Variants in BMPR1A observed in about 807,000 individuals in gnomAD.
The protein encoded by BMPR1A is bone morphogenetic protein receptor type 1A, also known as bone morphogenetic protein receptor type-1A.
A neutral mutation model predicts 66.0 loss-of-function variants in BMPR1A; 7 were observed. That is an observed-to-expected ratio of 0.11 (90% CI 0.06 to 0.20). BMPR1A has a LOEUF of 0.20. Ranked by LOEUF, BMPR1A falls within the 10% of genes least tolerant of loss-of-function variation. BMPR1A has a pLI of 1.00. For missense variants in BMPR1A, 408 were observed against 669.1 expected, an observed-to-expected ratio of 0.61 and a Z score of 4.31; for synonymous variants, 200 against 229.7, an observed-to-expected ratio of 0.87 and a Z score of 1.17.
intron 1 of BMPR1A, among the ~76,000 whole-genome samples, chr10:86,784,286 G>C (rs944931009): frequency 2.0e-5 from 3 of 152,060 alleles, no homozygotes; most frequent in Non-Finnish European, 4.4e-5. Context: ...TTCCTTCCTA[G>C]TTTGTTGAGT....
intron 1 of BMPR1A, among the ~76,000 whole-genome samples, chr10:86,807,641 C>T (rs536850671): frequency 6.6e-6 from 1 of 152,286 alleles, no homozygotes; most frequent in South Asian, 2.1e-4. Context: ...CCTCAGTCTC[C>T]CAAAGAGCTG....
chr10:86,850,703 C>G (rs1036231827), intron 2 of BMPR1A, among the ~76,000 whole-genome samples: 2 of 152,116 alleles, frequency 1.3e-5, no homozygotes, highest in Non-Finnish European at 2.9e-5. Flanking sequence ...ATGATCATGA[C>G]TCACCACAGC....
chr10:86,847,694 G>A (rs555500315), intron 2 of BMPR1A, among the ~76,000 whole-genome samples: 57 of 151,958 alleles, frequency 3.8e-4, no homozygotes, highest in African/African-American at 1.3e-3. Context: ...GTGTATGTGT[G>A]TGTATAAAGA....
At chr10:86,784,133 C>T (rs1841478177) in intron 1 of BMPR1A, among the ~76,000 whole-genome samples, 1 of 151,880 alleles carries the variant, frequency 6.6e-6, no homozygotes, top group Non-Finnish European at 1.5e-5. Flanking sequence ...TCTGATTGTA[C>T]TGTGTTGAGT....
At chr10:86,905,126 C>T (rs1843367746) in intron 7 of BMPR1A, among the ~76,000 whole-genome samples, 2 of 152,106 alleles carry the variant, frequency 1.3e-5, no homozygotes, top group Non-Finnish European at 2.9e-5. Flanking sequence ...CTGATGTGAT[C>T]GTTTTCCTCC....
chr10:86,836,671 G>A (rs927195299), intron 1 of BMPR1A, among the ~76,000 whole-genome samples: 5 of 152,266 alleles, frequency 3.3e-5, no homozygotes, highest in East Asian at 3.9e-4. Flanking sequence ...GGTAGTGTTC[G>A]CCTGTAGTCC....
chr10:86,913,890 A>C (rs1288136573), intron 8 of BMPR1A, among the ~76,000 whole-genome samples: 3 of 152,220 alleles, frequency 2.0e-5, no homozygotes, highest in African/African-American at 7.2e-5. Flanking sequence ...GCAAACTTTT[A>C]TAGCAATTGA....
intron 1 of BMPR1A, among the ~76,000 whole-genome samples, chr10:86,765,667 A>G (rs1392909794): frequency 6.6e-6 from 1 of 152,078 alleles, no homozygotes; most frequent in Non-Finnish European, 1.5e-5. Flanking sequence ...GTGAAACTCT[A>G]GTATAGTTTC....
intron 1 of BMPR1A, among the ~76,000 whole-genome samples, chr10:86,775,198 C>T (rs1456233811): frequency 3.9e-5 from 6 of 152,198 alleles, no homozygotes; most frequent in Non-Finnish European, 7.3e-5. Flanking sequence ...TAAATGAGTT[C>T]AGTAAGTTGG....
chr10:86,876,696 C>T (rs1249400430), intron 3 of BMPR1A, among the ~76,000 whole-genome samples: 2 of 152,054 alleles, frequency 1.3e-5, no homozygotes, highest in South Asian at 2.1e-4. Context: ...ACTTGAACCC[C>T]GGGAGGTGGA....
chr10:86,797,470 A>AT (rs368477639), intron 1 of BMPR1A, among the ~76,000 whole-genome samples: 45 of 151,978 alleles, frequency 3.0e-4, no homozygotes, highest in African/African-American at 1.1e-3. Context: ...TGGCCTCGTG[A>AT]TTCGCCCACT....
At chr10:86,851,600 G>A (rs1842568851) in intron 2 of BMPR1A, among the ~76,000 whole-genome samples, 2 of 152,194 alleles carry the variant, frequency 1.3e-5, no homozygotes, top group South Asian at 2.1e-4. Context: ...TCCTCAAGCA[G>A]CCTAATGAGT....
intron 9 of BMPR1A, 147 bp downstream of exon 9, chr10:86,917,473 A>C: frequency 9.9e-7 from 1 of 1,007,120 alleles, no homozygotes; most frequent in Non-Finnish European, 1.5e-6. Flanking sequence ...GTTTGAATAA[A>C]ACATAGTCCG....
intron 1 of BMPR1A, among the ~76,000 whole-genome samples, chr10:86,815,881 TTG>T (rs1358956272): frequency 6.6e-6 from 1 of 151,980 alleles, no homozygotes; most frequent in South Asian, 2.1e-4. Flanking sequence ...TTGAGGGAGG[TTG>T]TGTTACTTCT....
At position 86,921,627 on chromosome 10, in the gene BMPR1A, A is replaced by ACAT; in HGVS notation, c.1278_1280dup (p.Ile426dup). The ACAT allele has an allele frequency of 6.2e-7, 1 of 1,614,226 alleles. No individual in the cohort carries two copies. The highest frequency in any genetic ancestry group is 8.5e-7 in the Non-Finnish European group (1 of 1,180,030). On this transcript the variant is annotated inframe_insertion, in exon 11 of 13. Coordinates refer to ENST00000372037, the MANE Select transcript of BMPR1A (RefSeq NM_004329.3). Reference sequence around the variant, plus strand: ...CTGAACAAAAACCACTTCCAGCCCTACATCATGGCTGACATCTACAGCTTC... The same window carrying ACAT: ...CTGAACAAAAACCACTTCCAGCCCTACATCATCATGGCTGACATCTACAGCTTC...
chr10:86,803,547 G>A (rs6586038), intron 1 of BMPR1A, among the ~76,000 whole-genome samples: 2,529 of 152,130 alleles, frequency 0.017, 75 homozygotes, highest in African/African-American at 0.058. Flanking sequence ...GTTGCATAAC[G>A]TAAGGATCCG....
chr10:86,924,574 A>T lies in BMPR1A; in HGVS notation c.*855A>T, dbSNP rs1187946796. ...CATCCTCTCCAAAGTTGGAGCTTCT[A>T]TTGCCATGAACCATGCTTACAAAGA... is the stretch of plus-strand genomic sequence containing the variant. On this transcript the variant is annotated 3_prime_UTR_variant, in exon 13 of 13. Transcript: ENST00000372037. 8.6e-6 allele frequency: 2 copies of T among 233,436 alleles called. No homozygotes were observed. Among genetic ancestry groups the T allele is most frequent in the African/African-American group, 2.2e-5 (1 of 45,370 alleles). The allele number at this position is 233,436 out of a possible 1,614,324, so 14.5% of individuals were successfully genotyped here.
intron 2 of BMPR1A, among the ~76,000 whole-genome samples, chr10:86,871,020 A>G (rs1241917594): frequency 6.6e-6 from 1 of 151,852 alleles, no homozygotes; most frequent in Non-Finnish European, 1.5e-5. Context: ...ATCTCCCACT[A>G]CACTATCTCT....
downstream of BMPR1A, chr10:86,932,080 C>T (rs1446700508): frequency 6.6e-6 from 1 of 152,220 alleles, no homozygotes. Context: ...TCATAAACTG[C>T]TAACATTGCA....
Sources: gnomAD v4.1 joint callset for allele counts (sites outside exome capture counted in the v4.1 genomes callset) on GRCh38, gnomAD v4.1.1 for gene constraint, MANE v1.5 for transcripts, NCBI Gene and HGNC (gene_info 2026-07-23, HGNC 2026-07-21) for gene names.